Variants in SHANK2 observed in about 807,000 individuals in gnomAD.
The protein encoded by SHANK2 is SH3 and multiple ankyrin repeat domains protein 2.
A neutral mutation model predicts 133.7 loss-of-function variants in SHANK2; 43 were observed. That is an observed-to-expected ratio of 0.32 (90% CI 0.25 to 0.41). The LOEUF (loss-of-function observed/expected upper bound fraction) is 0.41, where lower values mean the gene tolerates loss of function less well. SHANK2 is among the 10% of genes least tolerant of loss of function. The pLI is 1.00. For missense variants in SHANK2, 1,994 were observed against 2,235.8 expected, an observed-to-expected ratio of 0.89 and a Z score of 2.18; for synonymous variants, 1,017 against 952.8, an observed-to-expected ratio of 1.07 and a Z score of -1.24.
In SHANK2 at chr11:70,662,774, C is replaced by T. The variant is rs73525967; in HGVS notation, c.1854-1096G>A. ...TCCTCTCGCTTTTCCTGCTGGCACT[C>T]GCCACATGACATCCAGCCCCCGAGG... On this transcript the variant is annotated intron_variant, in intron 15 of 25. Transcript: ENST00000601538. Among the ~76,000 whole-genome samples, 484 of 152,206 alleles carry T rather than the reference C, an allele frequency of 3.2e-3. 5 individuals carry two copies. The highest frequency in any genetic ancestry group is 0.011 in the African/African-American group (466 of 41,528).
intron 2 of SHANK2, among the ~76,000 whole-genome samples, chr11:71,207,272 G>A (rs193052354): frequency 2.0e-5 from 3 of 148,256 alleles, no homozygotes; most frequent in Admixed American, 6.8e-5. Context: ...CTCTGCCTCC[G>A]GGGTTCAAGT....
At chr11:70,847,857 G>C (rs538271830) in intron 11 of SHANK2, among the ~76,000 whole-genome samples, 8 of 152,242 alleles carry the variant, frequency 5.3e-5, no homozygotes, top group African/African-American at 1.9e-4. Context: ...GGACCAAAGA[G>C]GGGGGCAGGG....
At chr11:70,856,055 G>A (rs1381331437) in intron 11 of SHANK2, among the ~76,000 whole-genome samples, 1 of 151,556 alleles carries the variant, frequency 6.6e-6, no homozygotes, top group Non-Finnish European at 1.5e-5. Flanking sequence ...GAACAGGTGA[G>A]TGAATGGGTG....
chr11:70,728,127 C>T (rs1555031154), intron 14 of SHANK2, among the ~76,000 whole-genome samples: 1 of 152,198 alleles, frequency 6.6e-6, no homozygotes, highest in African/African-American at 2.4e-5. Context: ...CTGGCGGCTC[C>T]CTGTTGACTG....
At chr11:70,740,696 T>A (rs1946504941) in intron 14 of SHANK2, among the ~76,000 whole-genome samples, 1 of 152,104 alleles carries the variant, frequency 6.6e-6, no homozygotes, top group African/African-American at 2.4e-5. Flanking sequence ...TTAAGCAGTT[T>A]AACTGGGAGT....
chr11:70,732,514 T>G (rs1287483576), intron 14 of SHANK2, among the ~76,000 whole-genome samples: 3 of 152,204 alleles, frequency 2.0e-5, no homozygotes, highest in Non-Finnish European at 4.4e-5. Flanking sequence ...GATTTTTTTC[T>G]GTGTCCCCCA....
chr11:70,857,402 A>G (rs2135488710), intron 11 of SHANK2, among the ~76,000 whole-genome samples: 1 of 152,306 alleles, frequency 6.6e-6, no homozygotes, highest in South Asian at 2.1e-4. Flanking sequence ...CCTAGCCACA[A>G]GCAACCTGGA....
chr11:70,870,146 G>A (rs1555069906), intron 11 of SHANK2, among the ~76,000 whole-genome samples: 1 of 152,124 alleles, frequency 6.6e-6, no homozygotes. Context: ...CTATGGAAGA[G>A]GTTTGAGGAT....
At chr11:70,632,397 T>C (rs1301241932) in intron 17 of SHANK2, among the ~76,000 whole-genome samples, 1 of 152,066 alleles carries the variant, frequency 6.6e-6, no homozygotes, top group East Asian at 1.9e-4. Flanking sequence ...CTGGCGGACT[T>C]TTAAGGATGC....
chr11:70,673,724 G>GAAACCCAGGCCAGGCCCATGCC (rs1288706533), intron 15 of SHANK2, among the ~76,000 whole-genome samples: 12 of 152,244 alleles, frequency 7.9e-5, no homozygotes, highest in African/African-American at 2.4e-4. Context: ...GAGGCCATGA[G>GAAACCCAGGCCAGGCCCATGCC]AAACCCAGGC....
chr11:70,504,738 G>A (rs146327591), intron 17 of SHANK2, among the ~76,000 whole-genome samples: 142 of 152,212 alleles, frequency 9.3e-4, no homozygotes, highest in African/African-American at 3.2e-3. Flanking sequence ...AATGTAATTA[G>A]GAAAGCAGAT....
chr11:70,547,811 G>A (rs1280011661), intron 17 of SHANK2, among the ~76,000 whole-genome samples: 1 of 152,220 alleles, frequency 6.6e-6, no homozygotes, highest in African/African-American at 2.4e-5. Context: ...AGGAATCCTT[G>A]GTCCCCATAA....
At chr11:70,599,199 C>A (rs2060443338) in intron 17 of SHANK2, among the ~76,000 whole-genome samples, 1 of 151,984 alleles carries the variant, frequency 6.6e-6, no homozygotes, top group Non-Finnish European at 1.5e-5. Flanking sequence ...CAAGAATCAG[C>A]AAATGCAATT....
chr11:70,635,172 G>A (rs1252361576), intron 17 of SHANK2: 2 of 152,182 alleles, frequency 1.3e-5, no homozygotes, highest in Non-Finnish European at 2.9e-5. Context: ...AACACAGAAC[G>A]AGCACGTGAG....
intron 17 of SHANK2, among the ~76,000 whole-genome samples, chr11:70,516,202 G>A (rs1332091424): frequency 6.6e-6 from 1 of 152,188 alleles, no homozygotes. Flanking sequence ...AAGTCACAGG[G>A]CTGACACTCC....
rs1555156151 is a variant in SHANK2 at position 70,492,469 on chromosome 11, C to A, written c.2309-4G>T. 1.2e-6 allele frequency: 2 copies of A among 1,613,912 alleles called. No homozygotes were observed. The highest frequency in any genetic ancestry group is 3.3e-5 in the Admixed American group (2 of 60,034). ...GGGACTATCTCCTCGGGTTTATCTG[C>A]AATAGAACCGTGAGGATTGGAGCAG... On this transcript the variant is annotated splice_region_variant and splice_polypyrimidine_tract_variant and intron_variant, in intron 21 of 25. Transcript: ENST00000601538.
chr11:70,793,318 C>T (rs1230489373), intron 14 of SHANK2, among the ~76,000 whole-genome samples: 1 of 152,080 alleles, frequency 6.6e-6, no homozygotes, highest in Non-Finnish European at 1.5e-5. Context: ...GACTGTGGGA[C>T]TTGAGGTGGA....
At chr11:71,139,442 T>C (rs1396651995) in intron 3 of SHANK2, among the ~76,000 whole-genome samples, 1 of 152,072 alleles carries the variant, frequency 6.6e-6, no homozygotes, top group African/African-American at 2.4e-5. Flanking sequence ...ACATGGCACA[T>C]GTATACATAT....
intron 17 of SHANK2, among the ~76,000 whole-genome samples, chr11:70,647,057 G>A (rs956551019): frequency 1.3e-5 from 2 of 151,904 alleles, no homozygotes; most frequent in South Asian, 4.2e-4. Context: ...TAGAGATAGG[G>A]GTTTCACCAC....
Sources: allele counts gnomAD v4.1 joint callset (sites outside exome capture counted in the v4.1 genomes callset), GRCh38; gene constraint gnomAD v4.1.1; transcripts MANE v1.5; gene names NCBI Gene and HGNC (gene_info 2026-07-23, HGNC 2026-07-21).